CNOT4: variants seen among roughly 807,000 people sequenced by gnomAD.
CNOT4 encodes the protein CCR4-NOT transcription complex subunit 4.
A neutral mutation model predicts 73.8 loss-of-function variants in CNOT4; 8 were observed. That is an observed-to-expected ratio of 0.11 (90% CI 0.06 to 0.20). The LOEUF is 0.20. Among genes scored for constraint, CNOT4 ranks in the 10% least tolerant of loss-of-function variants. The probability of loss-of-function intolerance (pLI) is 1.00; values close to 1 mark genes in which losing one functional copy is unlikely to be tolerated. For missense variants in CNOT4, 564 were observed against 883.4 expected (o/e 0.64, Z 4.58); for synonymous variants, 293 against 321.1 (o/e 0.91, Z 0.94).
At position 135,364,088 on chromosome 7, in the gene CNOT4, A is replaced by T. The variant is rs1794785789; in HGVS notation, c.1628-22T>A. The T allele has an allele frequency of 6.6e-7, 1 of 1,512,706 alleles. No homozygotes were observed. Among genetic ancestry groups the T allele is most frequent in the African/African-American group, 1.4e-5 (1 of 71,910 alleles). 93.7% of individuals were successfully genotyped at this position (1,512,706 alleles called of 1,614,324 possible). ...TTGTCTGGGAGATTTACCAACAAAA[A>T]AATGAAAGATAAAAAAAAATAAAAA... On this transcript the variant is annotated intron_variant, in intron 10 of 11. Transcript: ENST00000541284. This position sits in a 1 kb window ranked among gnomAD's most constrained non-coding sequence, Gnocchi z 4.3.
At chr7:135,504,896 G>T (rs1283644978) in intron 1 of CNOT4, among the ~76,000 whole-genome samples, 1 of 152,014 alleles carries the variant, frequency 6.6e-6, no homozygotes, top group East Asian at 1.9e-4. Flanking sequence ...CCAAAGTGCT[G>T]GGATTACAGG....
At chr7:135,487,497 CA>C (rs979364246) in intron 1 of CNOT4, among the ~76,000 whole-genome samples, 3 of 152,080 alleles carry the variant, frequency 2.0e-5, no homozygotes, top group African/African-American at 4.8e-5. Context: ...ACCTTGGCCC[CA>C]AAATGTGCTG....
intron 10 of CNOT4, among the ~76,000 whole-genome samples, chr7:135,379,594 A>G (rs10276768): frequency 0.076 from 11,574 of 152,022 alleles, 505 homozygotes; most frequent in Middle Eastern, 0.13. Flanking sequence ...GTGTGTGTGT[A>G]TATATATATC....
intron 2 of CNOT4, among the ~76,000 whole-genome samples, chr7:135,425,473 T>C (rs1267645485): frequency 6.6e-6 from 1 of 152,224 alleles, no homozygotes; most frequent in Admixed American, 6.5e-5. Context: ...CTGAGTTATA[T>C]TGTTCTCTTA....
intron 1 of CNOT4, among the ~76,000 whole-genome samples, chr7:135,461,043 T>C (rs1254092424): frequency 2.0e-5 from 3 of 152,190 alleles, no homozygotes; most frequent in African/African-American, 7.2e-5. Context: ...AAACAGTCCA[T>C]GAATAGGATG....
intron 1 of CNOT4, among the ~76,000 whole-genome samples, chr7:135,463,224 A>C (rs1800986378): frequency 6.6e-6 from 1 of 152,162 alleles, no homozygotes; most frequent in Non-Finnish European, 1.5e-5. Flanking sequence ...AAAGACTTAA[A>C]TGTAAAACCC....
chr7:135,416,847 G>C (rs757502814), intron 3 of CNOT4, among the ~76,000 whole-genome samples: 31 of 152,184 alleles, frequency 2.0e-4, no homozygotes, highest in Admixed American at 6.6e-4. Flanking sequence ...ATGGGGACCA[G>C]AGATGTCTTT....
intron 1 of CNOT4, among the ~76,000 whole-genome samples, chr7:135,463,187 T>C (rs763850987): frequency 5.9e-5 from 9 of 152,116 alleles, no homozygotes; most frequent in South Asian, 2.1e-4. Context: ...CCTTATACCA[T>C]GCACAAAAAC....
At chr7:135,452,570 CAAGAAAAGAAA>C (rs1297667393) in intron 1 of CNOT4, among the ~76,000 whole-genome samples, 2 of 151,930 alleles carry the variant, frequency 1.3e-5, no homozygotes, top group Non-Finnish European at 2.9e-5. Flanking sequence ...AACTCCATCT[CAAGAAAAGAAA>C]AAGAAAAGAA....
At chr7:135,432,182 T>G (rs998282758) in intron 2 of CNOT4, among the ~76,000 whole-genome samples, 1 of 152,208 alleles carries the variant, frequency 6.6e-6, no homozygotes. Context: ...CAGATGCTAG[T>G]ATTGGATTTA....
At chr7:135,379,525 C>CTT (rs1193521474) in intron 10 of CNOT4, among the ~76,000 whole-genome samples, 2 of 152,132 alleles carry the variant, frequency 1.3e-5, no homozygotes, top group African/African-American at 2.4e-5. Context: ...GCAAATCTTA[C>CTT]TCTAAATGGG....
At chr7:135,427,243 TCTTTA>T (rs932923072) in intron 2 of CNOT4, among the ~76,000 whole-genome samples, 9 of 152,206 alleles carry the variant, frequency 5.9e-5, no homozygotes, top group Non-Finnish European at 1.2e-4. Context: ...ATGTGTCTTC[TCTTTA>T]CTTTTTATTA....
At chr7:135,443,274 G>A (rs1799603009) in intron 1 of CNOT4, among the ~76,000 whole-genome samples, 1 of 151,034 alleles carries the variant, frequency 6.6e-6, no homozygotes, top group African/African-American at 2.4e-5. Flanking sequence ...AAGATTGCTG[G>A]AGTCCAGGAA....
At chr7:135,401,748 AG>A (rs1797012798) in intron 7 of CNOT4, among the ~76,000 whole-genome samples, 1 of 152,188 alleles carries the variant, frequency 6.6e-6, no homozygotes, top group South Asian at 2.1e-4. Context: ...AGAATGAGAG[AG>A]GCAAAAACAG....
At chr7:135,393,248 T>C (rs2129483336) in intron 10 of CNOT4, among the ~76,000 whole-genome samples, 1 of 152,346 alleles carries the variant, frequency 6.6e-6, no homozygotes, top group South Asian at 2.1e-4. Flanking sequence ...AGAAGTATTT[T>C]GGCATCAAAC....
chr7:135,368,604 C>T (rs898275115), intron 10 of CNOT4, among the ~76,000 whole-genome samples: 9 of 152,288 alleles, frequency 5.9e-5, no homozygotes, highest in East Asian at 1.9e-4. Flanking sequence ...CGTACGGGAA[C>T]GTGTTGGTGG....
intron 10 of CNOT4, among the ~76,000 whole-genome samples, chr7:135,382,374 G>A (rs1196927222): frequency 6.6e-6 from 1 of 152,186 alleles, no homozygotes; most frequent in African/African-American, 2.4e-5. Flanking sequence ...GGGTGATAAG[G>A]AGGTCCAAGG....
chr7:135,395,050 C>A (rs1047919438), intron 9 of CNOT4, among the ~76,000 whole-genome samples: 2 of 152,002 alleles, frequency 1.3e-5, no homozygotes, highest in Non-Finnish European at 2.9e-5. Context: ...GGTGGAAAAT[C>A]TTAAACACAA....
rs115390499 is a variant in CNOT4, at chr7:135,464,482, A to G, written c.-92-26059T>C. ...CTCACTTATAAATGTGAGCTAAATGATAAAAAACTTATGAATACAAAAAAG... is the reference window on the plus strand; with the variant it reads ...CTCACTTATAAATGTGAGCTAAATGGTAAAAAACTTATGAATACAAAAAAG... On this transcript the variant is annotated intron_variant, in intron 1 of 11. Transcript: ENST00000541284. Among the ~76,000 whole-genome samples the G allele has an allele frequency of 4.3e-3, 655 of 152,330 alleles. 7 individuals are homozygous for G. The highest frequency in any genetic ancestry group is 0.015 in the African/African-American group (626 of 41,572).
Sources: gnomAD v4.1 joint callset for allele counts (sites outside exome capture counted in the v4.1 genomes callset) on GRCh38, gnomAD v4.1.1 for gene constraint, Gnocchi (gnomAD v3.1) non-coding constraint, MANE v1.5 for transcripts, NCBI Gene and HGNC (gene_info 2026-07-23, HGNC 2026-07-21) for gene names.